The following SLC25A46 variants were observed in gnomAD, a reference collection of about 807,000 sequenced individuals.
The protein encoded by SLC25A46 is mitochondrial outer membrane protein SLC25A46.
In SLC25A46, 39 loss-of-function variants were observed where a neutral mutation model predicts 44.6. The observed-to-expected ratio is 0.87, with a 90% CI of 0.68 to 1.14. SLC25A46 has a LOEUF of 1.14. Ranked by LOEUF, SLC25A46 falls within the 50% of genes most tolerant of loss-of-function variation. The pLI, the probability that SLC25A46 is intolerant of heterozygous loss-of-function variation, is 0.00. For missense variants in SLC25A46, 547 were observed against 522.7 expected, an observed-to-expected ratio of 1.05 and a Z score of -0.45; for synonymous variants, 202 against 185.8, an observed-to-expected ratio of 1.09 and a Z score of -0.71.
rs374899270 is a variant in SLC25A46 at position 110,761,460 on chromosome 5, CTTA to C, written c.938_940del (p.Tyr313del). On this transcript the variant is annotated inframe_deletion, in exon 8 of 8. Coordinates refer to ENST00000355943, the MANE Select transcript of SLC25A46 (RefSeq NM_138773.4). This position sits in a 1 kb window ranked among gnomAD's most constrained non-coding sequence, Gnocchi z 5.3. ...AGCCCTGTGCAGAGTATGTTGGATG[CTTA>C]TTTTCCAGAACTTATTGCTAACTTT... 5.5e-5 allele frequency: 88 copies of C among 1,613,576 alleles called. No individual in the cohort carries two copies. The highest frequency in any genetic ancestry group is 6.4e-5 in the Non-Finnish European group (76 of 1,179,798).
intron 5 of SLC25A46, among the ~76,000 whole-genome samples, chr5:110,751,807 T>A (rs879289013): frequency 1.3e-5 from 2 of 152,196 alleles, no homozygotes; most frequent in Non-Finnish European, 2.9e-5. Context: ...GCTTTAGGAA[T>A]GGTAGATCAA....
chr5:110,746,265 A>G lies in SLC25A46; in HGVS notation c.385-4A>G, dbSNP rs377289513. 1.2e-4 allele frequency: 191 copies of G among 1,560,014 alleles called. No individual in the cohort carries two copies. The highest frequency in any genetic ancestry group is 1.6e-4 in the Non-Finnish European group (183 of 1,154,008). The stretch of plus-strand genomic sequence containing the variant: ...AAAAAAATAATGAAATATCTTTTTT[A>G]CAGGTTAATTACCATGCTCAGCATT... On this transcript the variant is annotated splice_polypyrimidine_tract_variant and splice_region_variant and intron_variant, in intron 3 of 7. Transcript: ENST00000355943.
intron 2 of SLC25A46, among the ~76,000 whole-genome samples, chr5:110,743,401 T>C (rs923804627): frequency 6.6e-6 from 1 of 152,134 alleles, no homozygotes; most frequent in Non-Finnish European, 1.5e-5. Flanking sequence ...TTAAATGCCA[T>C]TTAATTGATG....
rs1465042761 is a variant in SLC25A46, at chr5:110,739,335, G to A, written c.216G>A (p.Pro72=). Residue 72 remains proline, a synonymous_variant, in exon 1 of 8, where the codon CCG becomes CCA. Transcript: ENST00000355943. ...PPYGVPTTST[P]YEGPTEEPFS... ...ACGGCGTGCCCACCACCTCCACCCC[G>A]TACGAAGGCCCCACGGAGGAACCCT... 3 of 1,564,980 alleles carry A rather than the reference G, an allele frequency of 1.9e-6. No homozygotes were observed. Among genetic ancestry groups the A allele is most frequent in the Non-Finnish European group, 2.6e-6 (3 of 1,155,682 alleles).
chr5:110,757,591 GATTATT>G (rs911115137), intron 7 of SLC25A46, among the ~76,000 whole-genome samples: 1 of 151,794 alleles, frequency 6.6e-6, no homozygotes, highest in Non-Finnish European at 1.5e-5. Flanking sequence ...TTTGATTTAT[GATTATT>G]ATTATTATTA....
rs188312396 is a variant in SLC25A46 at position 110,757,661 on chromosome 5, C to A, written c.678+902C>A. The stretch of plus-strand genomic sequence containing the variant: ...GAAGTTAGTGTCTTGCGACCCAAAT[C>A]ATACTTTCCCTTCCCCTTGCATTTG... On this transcript the variant is annotated intron_variant, in intron 7 of 7. Transcript: ENST00000355943. 3.3e-3 allele frequency among the ~76,000 whole-genome samples: 500 copies of A among 152,190 alleles called. 4 individuals are homozygous for A. Among genetic ancestry groups the A allele is most frequent in the African/African-American group, 0.011 (476 of 41,534 alleles).
At position 110,763,437 on chromosome 5, in the gene SLC25A46, A is replaced by G. The variant is rs555909974; in HGVS notation, c.*1655A>G. On this transcript the variant is annotated 3_prime_UTR_variant, in exon 8 of 8. Transcript: ENST00000355943. ...ACATTTTCCATTTTTAAATTCCACCAAAAGGGGGAAAATAAAATTAAACAC... is the reference window on the plus strand; with the variant it reads ...ACATTTTCCATTTTTAAATTCCACCGAAAGGGGGAAAATAAAATTAAACAC... The G allele has an allele frequency of 3.9e-5, 6 of 151,932 alleles. No individual in the cohort carries two copies. The highest frequency in any genetic ancestry group is 3.9e-4 in the East Asian group (2 of 5,162). 9.4% of individuals were successfully genotyped at this position (151,932 alleles called of 1,614,324 possible). A position where few individuals can be genotyped will look rare whatever the true frequency, so the allele number is the denominator to read the frequency against.
chr5:110,761,922 T>C lies in SLC25A46; in HGVS notation c.*140T>C. ...GGTACTAAAGCCCATACTGATTATC[T>C]TGACTTTGTTTTTTAAGGCATAGGT... On this transcript the variant is annotated 3_prime_UTR_variant, in exon 8 of 8. Transcript: ENST00000355943. The surrounding 1 kb of genome is among the most constrained non-coding windows in gnomAD (Gnocchi z 5.3). 1.4e-6 allele frequency: 1 copy of C among 699,462 alleles called. No individual in the cohort carries two copies. The highest frequency in any genetic ancestry group is 3.1e-5 in the Admixed American group (1 of 32,688). 43.3% of individuals were successfully genotyped at this position (699,462 alleles called of 1,614,324 possible).
chr5:110,739,718 A>T (rs950900519), intron 1 of SLC25A46, among the ~76,000 whole-genome samples: 1 of 152,118 alleles, frequency 6.6e-6, no homozygotes, highest in Non-Finnish European at 1.5e-5. Context: ...CTGTTCCCTG[A>T]TTCACTTTGG....
rs550865459 is a variant in SLC25A46, at chr5:110,762,516, G to A, written c.*734G>A. 1.3e-5 allele frequency: 2 copies of A among 151,744 alleles called. No individual in the cohort carries two copies. Among genetic ancestry groups the A allele is most frequent in the South Asian group, 4.2e-4 (2 of 4,812 alleles). 9.4% of individuals were successfully genotyped at this position (151,744 alleles called of 1,614,324 possible). A position where few individuals can be genotyped will look rare whatever the true frequency, so the allele number is the denominator to read the frequency against. On this transcript the variant is annotated 3_prime_UTR_variant, in exon 8 of 8. Coordinates refer to ENST00000355943, the MANE Select transcript of SLC25A46 (RefSeq NM_138773.4). ...AAACCAAGGTACCCAAAAGATACAA[G>A]TCAGAGACAACATCCTTGTCCATAT...
rs752352610 is a variant in SLC25A46, at chr5:110,756,771, T to A, written c.678+12T>A. The A allele has an allele frequency of 6.6e-7, 1 of 1,509,846 alleles. No individual in the cohort carries two copies. Among genetic ancestry groups the A allele is most frequent in the African/African-American group, 1.4e-5 (1 of 70,368 alleles). The allele number at this position is 1,509,846 out of a possible 1,614,324, so 93.5% of individuals were successfully genotyped here. ...TTGAAACAGTGCAGGTGAGCTTTTT[T>A]TTACTGTCATTTTTTTTTTATTTAA... On this transcript the variant is annotated intron_variant, in intron 7 of 7. Transcript: ENST00000355943.
intron 5 of SLC25A46, 56 bp from the exon 6 acceptor site, chr5:110,755,409 C>G (rs768927802): frequency 5.4e-6 from 6 of 1,121,280 alleles, no homozygotes; most frequent in Non-Finnish European, 7.8e-6. Flanking sequence ...GGGCTAATTC[C>G]AGATGTTTTA....
rs1355460616 is a variant in SLC25A46, at chr5:110,763,126, T to C, written c.*1344T>C. On this transcript the variant is annotated 3_prime_UTR_variant, in exon 8 of 8. Coordinates refer to ENST00000355943, the MANE Select transcript of SLC25A46 (RefSeq NM_138773.4). ...AAGCACTTTGTGTAGTAAAATGATA[T>C]GTGTCTGCTCTATCATTAGACATTT... is the stretch of plus-strand genomic sequence containing the variant. The C allele has an allele frequency of 6.6e-6, 1 of 151,960 alleles. No homozygotes were observed. The highest frequency in any genetic ancestry group is 1.5e-5 in the Non-Finnish European group (1 of 67,912). The allele number at this position is 151,960 out of a possible 1,614,324, so 9.4% of individuals were successfully genotyped here.
At chr5:110,759,722 G>A (rs2150418068) in intron 7 of SLC25A46, among the ~76,000 whole-genome samples, 1 of 152,214 alleles carries the variant, frequency 6.6e-6, no homozygotes, top group East Asian at 1.9e-4. Flanking sequence ...TCTTTGATAG[G>A]TTTGAGCAGA....
intron 7 of SLC25A46, among the ~76,000 whole-genome samples, chr5:110,757,617 G>T: frequency 6.6e-6 from 1 of 151,830 alleles, no homozygotes; most frequent in Non-Finnish European, 1.5e-5. Flanking sequence ...ATTTCTGTTA[G>T]AACTAACTTC....
At chr5:110,751,802 A>T (rs1387811309) in intron 5 of SLC25A46, among the ~76,000 whole-genome samples, 1 of 152,218 alleles carries the variant, frequency 6.6e-6, no homozygotes, top group East Asian at 1.9e-4. Flanking sequence ...GTGATGCTTT[A>T]GGAATGGTAG....
intron 5 of SLC25A46, among the ~76,000 whole-genome samples, chr5:110,752,823 G>A (rs902476838): frequency 6.6e-6 from 1 of 152,014 alleles, no homozygotes; most frequent in African/African-American, 2.4e-5. Context: ...TTAACTGAAG[G>A]TAAATTAATT....
At position 110,751,049 on chromosome 5, in the gene SLC25A46, C is replaced by A. The variant is rs190324466; in HGVS notation, c.563+2786C>A. 3.5e-4 allele frequency among the ~76,000 whole-genome samples: 53 copies of A among 152,200 alleles called. 1 individual carries two copies. The East Asian group carries it at 9.3e-3, about 27-fold the overall frequency. On this transcript the variant is annotated intron_variant, in intron 5 of 7. Coordinates refer to ENST00000355943, the MANE Select transcript of SLC25A46 (RefSeq NM_138773.4). Reference sequence around the variant, plus strand: ...TCATTTTGAATCTTTCCAAAGAAGACAAAATAGTAACCTCTATTGCATTGT... The same window carrying A: ...TCATTTTGAATCTTTCCAAAGAAGAAAAAATAGTAACCTCTATTGCATTGT...
At chr5:110,742,439 T>A (rs986946935) in intron 2 of SLC25A46, among the ~76,000 whole-genome samples, 2 of 152,112 alleles carry the variant, frequency 1.3e-5, no homozygotes, top group Non-Finnish European at 2.9e-5. Flanking sequence ...GAAGATCAAA[T>A]GGCTCTGCTG....
Sources: allele counts gnomAD v4.1 joint callset (sites outside exome capture counted in the v4.1 genomes callset), GRCh38; gene constraint gnomAD v4.1.1; non-coding constraint Gnocchi (gnomAD v3.1); transcripts MANE v1.5; gene names NCBI Gene and HGNC (gene_info 2026-07-23, HGNC 2026-07-21).